The following PTPRM variants were observed in gnomAD, a reference collection of about 807,000 sequenced individuals.
PTPRM encodes the protein protein tyrosine phosphatase receptor type M, also known as receptor-type tyrosine-protein phosphatase mu.
PTPRM carries 47 observed loss-of-function variants against 186.7 expected under a neutral mutation model. The ratio of observed to expected loss-of-function variants is 0.25; its 90% CI spans 0.20 to 0.32. PTPRM has a LOEUF of 0.32. Among genes scored for constraint, PTPRM ranks in the 10% least tolerant of loss-of-function variants. The probability of loss-of-function intolerance (pLI) is 1.00; values close to 1 mark genes in which losing one functional copy is unlikely to be tolerated. For missense variants in PTPRM, 1,494 were observed against 1,865.0 expected (o/e 0.80, Z 3.66); for synonymous variants, 668 against 674.9 (o/e 0.99, Z 0.16).
At chr18:8,066,313 A>G (rs970392260) in intron 7 of PTPRM, among the ~76,000 whole-genome samples, 1 of 152,174 alleles carries the variant, frequency 6.6e-6, no homozygotes, top group African/African-American at 2.4e-5. Flanking sequence ...ATGGTAGCAC[A>G]TGGCATTTCC....
intron 13 of PTPRM, among the ~76,000 whole-genome samples, chr18:8,127,649 T>A (rs2145899623): frequency 6.6e-6 from 1 of 152,278 alleles, no homozygotes; most frequent in East Asian, 1.9e-4. Context: ...ACAGTTTAGC[T>A]CTGACAGAAA....
chr18:7,912,279 C>G (rs2050314433), intron 4 of PTPRM, among the ~76,000 whole-genome samples: 1 of 152,192 alleles, frequency 6.6e-6, no homozygotes, highest in Non-Finnish European at 1.5e-5. Context: ...CACTTGTTGA[C>G]ACACTGTTCT....
intron 2 of PTPRM, among the ~76,000 whole-genome samples, chr18:7,824,872 G>A (rs778895415): frequency 1.1e-4 from 16 of 152,264 alleles, no homozygotes; most frequent in South Asian, 2.1e-4. Flanking sequence ...GGCAGGCAGC[G>A]CTACTCAACA....
At chr18:7,593,609 A>G (rs2037180156) in intron 1 of PTPRM, among the ~76,000 whole-genome samples, 1 of 152,208 alleles carries the variant, frequency 6.6e-6, no homozygotes, top group Non-Finnish European at 1.5e-5. Context: ...GTCAAATTGC[A>G]TCTGTGCATC....
intron 2 of PTPRM, among the ~76,000 whole-genome samples, chr18:7,886,872 C>T (rs1470507123): frequency 6.6e-6 from 1 of 152,202 alleles, no homozygotes; most frequent in East Asian, 1.9e-4. Flanking sequence ...TTGATACTTA[C>T]AGTCATTCTT....
chr18:7,891,580 T>G (rs1349216222), intron 3 of PTPRM, among the ~76,000 whole-genome samples: 2 of 151,952 alleles, frequency 1.3e-5, no homozygotes, highest in East Asian at 3.9e-4. Context: ...AAAAAGCAAG[T>G]GGGTGGCCGG....
At chr18:8,101,694 C>G (rs952931406) in intron 11 of PTPRM, among the ~76,000 whole-genome samples, 2 of 152,204 alleles carry the variant, frequency 1.3e-5, no homozygotes, top group Non-Finnish European at 2.9e-5. Context: ...CTTGTCTACT[C>G]TAACCCCAAA....
intron 1 of PTPRM, among the ~76,000 whole-genome samples, chr18:7,661,056 A>C (rs1277135511): frequency 1.3e-5 from 2 of 152,210 alleles, no homozygotes; most frequent in Non-Finnish European, 2.9e-5. Flanking sequence ...AGGATGAATC[A>C]CTTCAGGCTA....
chr18:7,854,159 C>G (rs1489918306), intron 2 of PTPRM, among the ~76,000 whole-genome samples: 1 of 152,108 alleles, frequency 6.6e-6, no homozygotes, highest in African/African-American at 2.4e-5. Flanking sequence ...AAATGATGGA[C>G]ATAGTTGCTT....
intron 19 of PTPRM, among the ~76,000 whole-genome samples, chr18:8,280,214 A>T (rs1289531414): frequency 6.6e-6 from 1 of 152,048 alleles, no homozygotes; most frequent in African/African-American, 2.4e-5. Context: ...TCAGTTCTGC[A>T]CGCATGCCCC....
At chr18:7,671,446 A>G (rs16952317) in intron 1 of PTPRM, among the ~76,000 whole-genome samples, 1 of 152,100 alleles carries the variant, frequency 6.6e-6, no homozygotes, top group Admixed American at 6.6e-5. Flanking sequence ...GAGGGGTCAC[A>G]GTCCAGCAGT....
intron 2 of PTPRM, among the ~76,000 whole-genome samples, chr18:7,854,098 G>C (rs1430900623): frequency 6.6e-6 from 1 of 152,122 alleles, no homozygotes; most frequent in Non-Finnish European, 1.5e-5. Flanking sequence ...AGCAATATTA[G>C]TTTTTATGTA....
At chr18:8,291,481 T>C (rs149294165) in intron 19 of PTPRM, among the ~76,000 whole-genome samples, 1 of 152,324 alleles carries the variant, frequency 6.6e-6, no homozygotes, top group East Asian at 1.9e-4. Flanking sequence ...CCTTCTTTTC[T>C]ACAATATAAA....
chr18:8,265,052 A>G (rs1394593684), intron 19 of PTPRM, among the ~76,000 whole-genome samples: 1 of 152,150 alleles, frequency 6.6e-6, no homozygotes, highest in Non-Finnish European at 1.5e-5. Context: ...TATTGATGTG[A>G]CTTGTGATTT....
At chr18:7,686,562 C>T (rs1218882857) in intron 1 of PTPRM, among the ~76,000 whole-genome samples, 3 of 146,232 alleles carry the variant, frequency 2.1e-5, no homozygotes, top group Non-Finnish European at 3.0e-5. Flanking sequence ...ATGATGAAAA[C>T]GGATTGCCAA....
intron 19 of PTPRM, among the ~76,000 whole-genome samples, chr18:8,275,784 C>T (rs923821014): frequency 3.9e-5 from 6 of 152,142 alleles, no homozygotes; most frequent in African/African-American, 1.2e-4. Context: ...AACTGGGTCC[C>T]TTCATTCTTG....
rs1044319442 is a variant in PTPRM at position 7,641,356 on chromosome 18, C to T, written c.73+73465C>T. ...ATTCTTAGAAATGTGATCAGAAATACCCATAATATTAAGAAAAGGAGAAAG... is the reference window on the plus strand; with the variant it reads ...ATTCTTAGAAATGTGATCAGAAATATCCATAATATTAAGAAAAGGAGAAAG... On this transcript the variant is annotated intron_variant, in intron 1 of 32. Coordinates refer to ENST00000580170, the MANE Select transcript of PTPRM (RefSeq NM_001105244.2). Among the ~76,000 whole-genome samples, 4 of 152,044 alleles carry T rather than the reference C, an allele frequency of 2.6e-5. No homozygotes were observed. In the East Asian group the frequency reaches 7.7e-4, roughly 29 times the overall value.
chr18:8,351,639 CT>C (rs1473579501), intron 23 of PTPRM, among the ~76,000 whole-genome samples: 1 of 152,198 alleles, frequency 6.6e-6, no homozygotes, highest in Non-Finnish European at 1.5e-5. Flanking sequence ...TCCTTCAATT[CT>C]GTAGGTCATG....
intron 7 of PTPRM, among the ~76,000 whole-genome samples, chr18:8,043,591 C>T (rs563557511): frequency 8.4e-4 from 127 of 151,472 alleles, no homozygotes; most frequent in Admixed American, 1.9e-3. Flanking sequence ...TCACGTTGTT[C>T]TCCATGTTGG....
Sources: gnomAD v4.1 joint callset for allele counts (sites outside exome capture counted in the v4.1 genomes callset) on GRCh38, gnomAD v4.1.1 for gene constraint, MANE v1.5 for transcripts, NCBI Gene and HGNC (gene_info 2026-07-23, HGNC 2026-07-21) for gene names.